The following COP1 variants were observed in gnomAD, a reference collection of about 807,000 sequenced individuals.
The protein encoded by COP1 is E3 ubiquitin-protein ligase COP1.
Under a neutral mutation model 101.3 loss-of-function variants are expected in COP1, and 24 were observed. That is an observed-to-expected ratio of 0.24 (90% CI 0.17 to 0.33). The LOEUF is 0.33. COP1 is among the 10% of genes least tolerant of loss of function. The pLI is 1.00. For synonymous variants in COP1, 347 were observed against 341.9 expected (o/e 1.01, Z -0.17); for missense variants, 663 against 906.2 (o/e 0.73, Z 3.45).
chr1:176,004,747 G>A (rs1212698426), intron 15 of COP1, among the ~76,000 whole-genome samples: 7 of 149,002 alleles, frequency 4.7e-5, no homozygotes, highest in Non-Finnish European at 6.0e-5. Flanking sequence ...TGCGGGATTC[G>A]TTTTGCCAGT....
At chr1:175,976,267 A>ATTTTTTTTTTTTT (rs1225101059) in intron 18 of COP1, among the ~76,000 whole-genome samples, 13 of 41,756 alleles carry the variant, frequency 3.1e-4, no homozygotes, top group Non-Finnish European at 6.7e-4. Flanking sequence ...TCAATTAGTC[A>ATTTTTTTTTTTTT]TTCTTTTTTT....
rs558889467 is a variant in COP1, at chr1:175,958,594, G to A, written c.2134-11355C>T. Among the ~76,000 whole-genome samples the A allele has an allele frequency of 5.3e-5, 8 of 151,916 alleles. No individual in the cohort carries two copies. The South Asian group carries it at 8.3e-4, about 16-fold the overall frequency. On this transcript the variant is annotated intron_variant, in intron 18 of 19. Coordinates refer to ENST00000367669, the MANE Select transcript of COP1 (RefSeq NM_022457.7). ...AGAAGATAACTATTAAACAAAATCA[G>A]AATATAACCCTTCTTTAAAATTTAT...
intron 11 of COP1, among the ~76,000 whole-genome samples, chr1:176,068,473 G>C (rs1344986341): frequency 1.3e-5 from 2 of 152,164 alleles, no homozygotes; most frequent in Non-Finnish European, 2.9e-5. Context: ...CCTAAAAACA[G>C]GTTAGTAAGT....
chr1:176,139,945 C>T (rs879508425), intron 6 of COP1, among the ~76,000 whole-genome samples: 1 of 151,936 alleles, frequency 6.6e-6, no homozygotes, highest in Non-Finnish European at 1.5e-5. Flanking sequence ...CTCCCTGAAT[C>T]GAAAAGTTGA....
intron 11 of COP1, among the ~76,000 whole-genome samples, chr1:176,060,844 T>C (rs1458190417): frequency 6.6e-6 from 1 of 152,184 alleles, no homozygotes; most frequent in Non-Finnish European, 1.5e-5. Flanking sequence ...CCATTTTGTG[T>C]TTCTTATAAA....
intron 15 of COP1, among the ~76,000 whole-genome samples, chr1:176,024,335 T>C (rs1199558838): frequency 6.6e-6 from 1 of 152,166 alleles, no homozygotes; most frequent in Non-Finnish European, 1.5e-5. Flanking sequence ...GCTGGTTTAA[T>C]ATTATAGTAA....
intron 3 of COP1, among the ~76,000 whole-genome samples, chr1:176,173,316 A>C (rs1012506634): frequency 2.3e-5 from 3 of 129,192 alleles, no homozygotes; most frequent in Admixed American, 8.8e-5. Flanking sequence ...GTCTCAAAAA[A>C]ACAAAATGAA....
chr1:175,996,605 C>A (rs1660218489), intron 15 of COP1, among the ~76,000 whole-genome samples: 1 of 151,770 alleles, frequency 6.6e-6, no homozygotes, highest in African/African-American at 2.4e-5. Flanking sequence ...ACACCAATAA[C>A]AGACAAACAG....
At chr1:175,945,298 C>T in intron 19 of COP1, 128 bp from the exon 20 acceptor site, 2 of 653,058 alleles carry the variant, frequency 3.1e-6, no homozygotes, top group South Asian at 4.4e-5. Flanking sequence ...GGGAAAATGC[C>T]AAAGAATTTG....
At chr1:176,061,184 A>C (rs1558027894) in intron 11 of COP1, among the ~76,000 whole-genome samples, 1 of 152,264 alleles carries the variant, frequency 6.6e-6, no homozygotes, top group Non-Finnish European at 1.5e-5. Context: ...TTAAACAAAG[A>C]GACATACAGA....
intron 9 of COP1, among the ~76,000 whole-genome samples, chr1:176,091,462 A>G (rs1184821755): frequency 6.6e-6 from 1 of 152,108 alleles, no homozygotes; most frequent in Non-Finnish European, 1.5e-5. Flanking sequence ...ACGAGCAAAT[A>G]AATAAGTGAT....
intron 18 of COP1, among the ~76,000 whole-genome samples, chr1:175,975,589 T>C (rs1000616733): frequency 6.6e-6 from 1 of 152,114 alleles, no homozygotes; most frequent in Non-Finnish European, 1.5e-5. Flanking sequence ...TTTGTATTTT[T>C]AGTAGAGACA....
At chr1:176,184,717 A>AT (rs61211796) in intron 1 of COP1, 25 bp from the exon 2 acceptor site, 364 of 1,551,614 alleles carry the variant, frequency 2.3e-4, no homozygotes, top group Admixed American at 2.2e-3. Flanking sequence ...AAAATAATTG[A>AT]TTTTTTTTTA....
chr1:176,187,098 AT>A (rs1317066157), intron 1 of COP1, among the ~76,000 whole-genome samples: 1 of 152,192 alleles, frequency 6.6e-6, no homozygotes, highest in African/African-American at 2.4e-5. Context: ...TAAGAAATGT[AT>A]TCTGAATAAC....
intron 11 of COP1, among the ~76,000 whole-genome samples, chr1:176,068,535 T>C (rs576029723): frequency 6.6e-6 from 1 of 152,222 alleles, no homozygotes; most frequent in Non-Finnish European, 1.5e-5. Context: ...ACATGCCATA[T>C]AAAACACAGA....
At chr1:176,151,915 G>C (rs996481958) in intron 5 of COP1, among the ~76,000 whole-genome samples, 2 of 149,904 alleles carry the variant, frequency 1.3e-5, no homozygotes, top group Admixed American at 1.3e-4. Flanking sequence ...CTCTACAACA[G>C]TTGTCTCAAG....
At chr1:175,949,430 A>G (rs959104448) in intron 18 of COP1, among the ~76,000 whole-genome samples, 2 of 152,152 alleles carry the variant, frequency 1.3e-5, no homozygotes, top group Non-Finnish European at 2.9e-5. Context: ...GAGTTGGTTA[A>G]GAGACAGCAT....
chr1:176,022,989 T>C (rs1321473908), intron 15 of COP1, among the ~76,000 whole-genome samples: 1 of 152,218 alleles, frequency 6.6e-6, no homozygotes, highest in Non-Finnish European at 1.5e-5. Context: ...ATTGTAGAGA[T>C]GTGGGGGTTT....
chr1:176,001,949 T>A (rs1661720176), intron 15 of COP1, among the ~76,000 whole-genome samples: 1 of 152,144 alleles, frequency 6.6e-6, no homozygotes, highest in Non-Finnish European at 1.5e-5. Flanking sequence ...TGACGAGAAG[T>A]CATCAGAAAT....
Sources: gnomAD v4.1 joint callset for allele counts (sites outside exome capture counted in the v4.1 genomes callset) on GRCh38, gnomAD v4.1.1 for gene constraint, MANE v1.5 for transcripts, NCBI Gene and HGNC (gene_info 2026-07-23, HGNC 2026-07-21) for gene names.